The following NUDC variants were observed in gnomAD, a reference collection of about 807,000 sequenced individuals.
NUDC encodes nuclear distribution C, dynein complex regulator.
A neutral mutation model predicts 45.0 loss-of-function variants in NUDC; 14 were observed. The ratio of observed to expected loss-of-function variants is 0.31; its 90% CI spans 0.21 to 0.49. The LOEUF is 0.49. Ranked by LOEUF, NUDC falls within the 20% of genes least tolerant of loss-of-function variation. The pLI, the probability that NUDC is intolerant of heterozygous loss-of-function variation, is 0.99. For synonymous variants in NUDC, 153 were observed against 156.7 expected, an observed-to-expected ratio of 0.98 and a Z score of 0.17; for missense variants, 323 against 426.2, an observed-to-expected ratio of 0.76 and a Z score of 2.13.
rs754829382 is a variant in NUDC at position 26,921,937 on chromosome 1, C to A, written c.81+8C>A. The A allele has an allele frequency of 6.5e-7, 1 of 1,549,756 alleles. No individual in the cohort carries two copies. Among genetic ancestry groups the A allele is most frequent in the South Asian group, 1.2e-5 (1 of 83,998 alleles). ...GAGGGCGGCGTGCAGGAGGTAACGG[C>A]CCGCGCGGCGTCGGCCCACCCGGCG... is the stretch of plus-strand genomic sequence containing the variant. On this transcript the variant is annotated splice_region_variant and intron_variant, in intron 1 of 8. Coordinates refer to ENST00000321265, the MANE Select transcript of NUDC (RefSeq NM_006600.4).
chr1:26,945,060 A>C, intron 6 of NUDC: 1 of 363,238 alleles, frequency 2.8e-6, no homozygotes, highest in Non-Finnish European at 5.2e-6. Context: ...ATATATATTT[A>C]TTTTCTTCCC....
intron 2 of NUDC, among the ~76,000 whole-genome samples, chr1:26,926,888 T>A (rs1472625258): frequency 6.6e-6 from 1 of 152,176 alleles, no homozygotes; most frequent in Non-Finnish European, 1.5e-5. Flanking sequence ...CGTGAGCCAC[T>A]GCACCCGGCC....
chr1:26,930,668 G>A (rs113035332), intron 2 of NUDC, among the ~76,000 whole-genome samples: 2,064 of 150,534 alleles, frequency 0.014, 46 homozygotes, highest in African/African-American at 0.047. Context: ...CATGATAAAC[G>A]GCACTGTAAT....
intron 2 of NUDC, among the ~76,000 whole-genome samples, chr1:26,931,494 G>A (rs757357590): frequency 4.2e-5 from 6 of 143,194 alleles, no homozygotes; most frequent in Non-Finnish European, 7.5e-5. Flanking sequence ...GAGATTTCTC[G>A]TACCGGTTGG....
At chr1:26,911,218 G>T (rs1215610657) in exon 3 of NUDC, 6 of 467,546 alleles carry the variant, frequency 1.3e-5, no homozygotes, top group Admixed American at 9.4e-5. Flanking sequence ...GATTGGCTGT[G>T]ATTGGGCTTT....
In NUDC at chr1:26,942,796, G is replaced by C; in HGVS notation, c.546+20G>C. On this transcript the variant is annotated intron_variant, in intron 5 of 8. Coordinates refer to ENST00000321265, the MANE Select transcript of NUDC (RefSeq NM_006600.4). ...CTGGACGTGAGTGTCAGGGACCAGA[G>C]GTAAAGCTTAGGGGGCCAGCCTGGG... 1 of 1,614,184 alleles carries C rather than the reference G, an allele frequency of 6.2e-7. No individual in the cohort carries two copies. The highest frequency in any genetic ancestry group is 8.5e-7 in the Non-Finnish European group (1 of 1,180,024).
At chr1:26,906,398 C>G (rs1326910506) in intron 2 of NUDC, among the ~76,000 whole-genome samples, 1 of 151,256 alleles carries the variant, frequency 6.6e-6, no homozygotes, top group South Asian at 2.1e-4. Flanking sequence ...TGCAGTGAGC[C>G]GAGATCGCAC....
rs1557683379 is a variant in NUDC at position 26,946,184 on chromosome 1, C to G, written c.*3C>G. On this transcript the variant is annotated 3_prime_UTR_variant, in exon 9 of 9. Transcript: ENST00000321265. ...TTTCCAAGGCTAAATTCAACTAGCC[C>G]CTGTTTTTTCCTCCCTGAACTCTTG... 14 of 1,611,554 alleles carry G rather than the reference C, an allele frequency of 8.7e-6. No individual in the cohort carries two copies. Among genetic ancestry groups the G allele is most frequent in the Non-Finnish European group, 1.2e-5 (14 of 1,178,816 alleles).
At chr1:26,928,477 G>T (rs913288157) in intron 2 of NUDC, among the ~76,000 whole-genome samples, 1 of 152,200 alleles carries the variant, frequency 6.6e-6, no homozygotes, top group African/African-American at 2.4e-5. Flanking sequence ...CAGATTATGA[G>T]AAAATATGCA....
intron 2 of NUDC, among the ~76,000 whole-genome samples, chr1:26,925,307 G>A (rs1192118713): frequency 4.6e-5 from 7 of 151,272 alleles, no homozygotes; most frequent in East Asian, 2.0e-4. Flanking sequence ...TTGGGAGGCC[G>A]AGGCTGGCGG....
In NUDC at chr1:26,900,347, A is replaced by G. The variant is rs775423394; in HGVS notation, c.-154A>G. On this transcript the variant is annotated 5_prime_UTR_variant, in exon 1 of 7. Transcript: ENST00000435827. Reference sequence around the variant, plus strand: ...CGCGCTCTTCTCGGAACTGGCTAAAATAGCTCCGTAAATGGGCCGAGCGCA... The same window carrying G: ...CGCGCTCTTCTCGGAACTGGCTAAAGTAGCTCCGTAAATGGGCCGAGCGCA... 1.5e-5 allele frequency: 24 copies of G among 1,613,956 alleles called. No individual in the cohort carries two copies. The Admixed American group carries it at 2.0e-4, about 13-fold the overall frequency.
chr1:26,918,685 C>T (rs1276833602), upstream of NUDC, among the ~76,000 whole-genome samples: 2 of 151,958 alleles, frequency 1.3e-5, no homozygotes, highest in Non-Finnish European at 2.9e-5. Context: ...AGAGATTCTC[C>T]TGCCTCGGCC....
chr1:26,933,586 G>T (rs549076252), intron 2 of NUDC, among the ~76,000 whole-genome samples: 10 of 151,760 alleles, frequency 6.6e-5, no homozygotes, highest in African/African-American at 2.4e-4. Flanking sequence ...GCTAATTTTT[G>T]TATTTCTATT....
chr1:26,900,280 G>A, exon 1 of NUDC: 2 of 1,613,892 alleles, frequency 1.2e-6, no homozygotes, highest in Non-Finnish European at 1.7e-6. Flanking sequence ...GGAGGGGCCC[G>A]CTCAGGCCGA....
At position 26,946,147 on chromosome 1, in the gene NUDC, C is replaced by T. The variant is rs199565784; in HGVS notation, c.962C>T (p.Pro321Leu). ...TTCTCCAGGTTCATGGATCAACATC[C>T]GGAGATGGATTTTTCCAAGGCTAAA... ...EILKKFMDQHPEMDFSKAKFN is the reference protein window; with the variant it reads ...EILKKFMDQHLEMDFSKAKFN The change falls in exon 9 of 9, where the codon CCG becomes CTG. Residue 321 changes from proline to leucine, a missense_variant. By Grantham distance (98) the Pro-to-Leu change is moderately conservative. Around this residue, in one of 3 missense-constraint regions of NUDC, gnomAD observed 54 missense variants for 100.2 expected, o/e 0.54. Transcript: ENST00000321265. The T allele has an allele frequency of 2.5e-5, 41 of 1,613,706 alleles. No individual in the cohort carries two copies. Among genetic ancestry groups the T allele is most frequent in the Middle Eastern group, 1.7e-4 (1 of 5,928 alleles).
intron 2 of NUDC, among the ~76,000 whole-genome samples, chr1:26,926,879 G>T (rs965290019): frequency 1.3e-5 from 2 of 151,896 alleles, no homozygotes; most frequent in African/African-American, 4.8e-5. Context: ...GATTACAGGC[G>T]TGAGCCACTG....
rs766424593 is a variant in NUDC at position 26,945,239 on chromosome 1, C to T, written c.742-151C>T. 5 of 695,780 alleles carry T rather than the reference C, an allele frequency of 7.2e-6. No individual in the cohort carries two copies. The East Asian group carries it at 1.1e-4, about 15-fold the overall frequency. The allele number at this position is 695,780 out of a possible 1,614,324, so 43.1% of individuals were successfully genotyped here. On this transcript the variant is annotated intron_variant, in intron 6 of 8. Coordinates refer to ENST00000321265, the MANE Select transcript of NUDC (RefSeq NM_006600.4). ...GTGTCTCCCCTAGCTGCAGGAAGGGCACAGTCTTGTACCTCTGGATCCAGT... is the reference window on the plus strand; with the variant it reads ...GTGTCTCCCCTAGCTGCAGGAAGGGTACAGTCTTGTACCTCTGGATCCAGT...
At chr1:26,909,213 G>A (rs949699806) in intron 2 of NUDC, among the ~76,000 whole-genome samples, 1 of 152,206 alleles carries the variant, frequency 6.6e-6, no homozygotes, top group Non-Finnish European at 1.5e-5. Context: ...AACCTCAGGT[G>A]ATCCGCCTGG....
At chr1:26,929,740 A>C in intron 2 of NUDC, 1 of 438,816 alleles carries the variant, frequency 2.3e-6, no homozygotes, top group Non-Finnish European at 4.6e-6. Context: ...ACATAACTGT[A>C]GGGCCGGGCA....
Sources: gnomAD v4.1 joint callset for allele counts (sites outside exome capture counted in the v4.1 genomes callset) on GRCh38, gnomAD v4.1.1 for gene constraint, gnomAD v4.1.1 regional missense constraint, MANE v1.5 for transcripts, NCBI Gene and HGNC (gene_info 2026-07-23, HGNC 2026-07-21) for gene names.